CNTN3: variants seen among roughly 807,000 people sequenced by gnomAD.
CNTN3 encodes contactin-3.
CNTN3 carries 60 observed loss-of-function variants against 119.1 expected under a neutral mutation model. The observed-to-expected ratio is 0.50, with a 90% CI of 0.41 to 0.62. The LOEUF is 0.62. Among genes scored for constraint, CNTN3 ranks in the 20% least tolerant of loss-of-function variants. CNTN3 has a pLI of 0.00. For missense variants in CNTN3, 1,101 were observed against 1,242.4 expected (o/e 0.89, Z 1.71); for synonymous variants, 450 against 438.7 (o/e 1.03, Z -0.32).
intron 5 of CNTN3, among the ~76,000 whole-genome samples, chr3:74,391,375 A>G (rs1271408506): frequency 1.3e-5 from 2 of 152,084 alleles, no homozygotes; most frequent in Admixed American, 1.3e-4. Flanking sequence ...CTGCTTACCA[A>G]TTACATGACC....
At chr3:74,285,790 GATATATATATATATATATATATATATAT>G (rs71129738) in intron 19 of CNTN3, among the ~76,000 whole-genome samples, 4,460 of 56,628 alleles carry the variant, frequency 0.079, 381 homozygotes, top group African/African-American at 0.18. Context: ...ATGAAGGGGA[GATATATATATATATATATATATATATAT>G]ATATATATAT....
chr3:74,378,561 G>A (rs1349949036), intron 5 of CNTN3, among the ~76,000 whole-genome samples: 1 of 152,158 alleles, frequency 6.6e-6, no homozygotes, highest in Non-Finnish European at 1.5e-5. Context: ...TCATATTTTA[G>A]GGCTGGTTCT....
chr3:74,330,635 G>C (rs487087), intron 13 of CNTN3, among the ~76,000 whole-genome samples: 110,659 of 151,986 alleles, frequency 0.73, 41,396 homozygotes, highest in African/African-American at 0.92. Context: ...AACTATAAAA[G>C]AGTCTCATAT....
intron 3 of CNTN3, among the ~76,000 whole-genome samples, chr3:74,499,283 G>A (rs1006873186): frequency 1.3e-5 from 2 of 151,738 alleles, no homozygotes; most frequent in African/African-American, 4.8e-5. Flanking sequence ...ATGGTAAACG[G>A]ACAAAAGGTG....
chr3:74,271,148 C>T (rs1380102402), intron 20 of CNTN3, among the ~76,000 whole-genome samples: 3 of 152,096 alleles, frequency 2.0e-5, no homozygotes, highest in Non-Finnish European at 4.4e-5. Flanking sequence ...ATCATATAAC[C>T]ATGATTAGAT....
At chr3:74,394,138 G>A (rs1236770442) in intron 5 of CNTN3, among the ~76,000 whole-genome samples, 1 of 152,136 alleles carries the variant, frequency 6.6e-6, no homozygotes, top group Non-Finnish European at 1.5e-5. Context: ...CTAGAAATGA[G>A]TTTACACAAG....
chr3:74,535,223 G>T (rs1703747742), intron 1 of CNTN3, among the ~76,000 whole-genome samples: 1 of 152,010 alleles, frequency 6.6e-6, no homozygotes, highest in South Asian at 2.1e-4. Context: ...TCATGGCTAT[G>T]AATAGTTATC....
At chr3:74,507,135 T>C (rs1402646443) in intron 2 of CNTN3, among the ~76,000 whole-genome samples, 1 of 152,160 alleles carries the variant, frequency 6.6e-6, no homozygotes, top group Non-Finnish European at 1.5e-5. Flanking sequence ...GAACTAATAC[T>C]AGGCCTGGTG....
chr3:74,416,153 T>G (rs949343512), intron 5 of CNTN3, among the ~76,000 whole-genome samples: 2 of 152,178 alleles, frequency 1.3e-5, no homozygotes, highest in African/African-American at 4.8e-5. Context: ...GGTTCAGATA[T>G]TCCCAGCCAG....
intron 2 of CNTN3, among the ~76,000 whole-genome samples, chr3:74,516,553 G>T (rs1203577313): frequency 6.6e-6 from 1 of 150,612 alleles, no homozygotes; most frequent in Non-Finnish European, 1.5e-5. Flanking sequence ...TATTTTATTG[G>T]TAAGACTTCT....
intron 4 of CNTN3, among the ~76,000 whole-genome samples, chr3:74,443,898 TA>T (rs139791101): frequency 1.3e-5 from 2 of 151,004 alleles, no homozygotes; most frequent in East Asian, 1.9e-4. Context: ...CAGCGTGGCT[TA>T]AAAAAAAACA....
At chr3:74,463,830 C>T (rs975994193) in intron 4 of CNTN3, among the ~76,000 whole-genome samples, 1 of 152,120 alleles carries the variant, frequency 6.6e-6, no homozygotes, top group African/African-American at 2.4e-5. Context: ...CCACCAGCAG[C>T]TTTAAATCAA....
intron 19 of CNTN3, among the ~76,000 whole-genome samples, chr3:74,289,456 C>G (rs1039068753): frequency 6.6e-6 from 1 of 152,306 alleles, no homozygotes; most frequent in Non-Finnish European, 1.5e-5. Context: ...CTGTGCCCCA[C>G]TTTGATGGCA....
chr3:74,570,023 C>T (rs4676977), intron 1 of CNTN3, among the ~76,000 whole-genome samples: 122,501 of 152,086 alleles, frequency 0.81, 49,506 homozygotes, highest in African/African-American at 0.86. Flanking sequence ...AGCTCTTATG[C>T]ATAACCCCCA....
At chr3:74,552,595 C>T (rs553117201) in intron 1 of CNTN3, among the ~76,000 whole-genome samples, 2 of 152,240 alleles carry the variant, frequency 1.3e-5, no homozygotes, top group African/African-American at 4.8e-5. Flanking sequence ...TCTGTAATAT[C>T]TTTTTTTGGA....
chr3:74,556,808 T>G (rs940360758), intron 1 of CNTN3, among the ~76,000 whole-genome samples: 1 of 152,216 alleles, frequency 6.6e-6, no homozygotes, highest in Non-Finnish European at 1.5e-5. Flanking sequence ...TTTGTTATAT[T>G]TGTCCTTTTT....
chr3:74,418,172 G>T (rs1701555536), intron 5 of CNTN3, among the ~76,000 whole-genome samples: 1 of 151,964 alleles, frequency 6.6e-6, no homozygotes, highest in Non-Finnish European at 1.5e-5. Flanking sequence ...TGTGATGGGA[G>T]CCAGAAAGCA....
chr3:74,317,500 G>A (rs1321321627), intron 13 of CNTN3, among the ~76,000 whole-genome samples: 2 of 152,060 alleles, frequency 1.3e-5, no homozygotes, highest in African/African-American at 2.4e-5. Context: ...CATGTTTAGT[G>A]CTTCCTTCAG....
intron 13 of CNTN3, among the ~76,000 whole-genome samples, chr3:74,317,950 T>C (rs1010613037): frequency 5.3e-5 from 8 of 152,220 alleles, no homozygotes; most frequent in Non-Finnish European, 1.2e-4. Context: ...CTTGGTTCCA[T>C]TCTCCCTGTC....
Sources: allele counts gnomAD v4.1 joint callset (sites outside exome capture counted in the v4.1 genomes callset), GRCh38; gene constraint gnomAD v4.1.1; transcripts MANE v1.5; gene names NCBI Gene and HGNC (gene_info 2026-07-23, HGNC 2026-07-21).